The following E2F7 variants were observed in gnomAD, a reference collection of about 807,000 sequenced individuals.
E2F7 encodes the protein E2F transcription factor 7.
E2F7 carries 35 observed loss-of-function variants against 81.1 expected under a neutral mutation model. The ratio of observed to expected loss-of-function variants is 0.43; its 90% CI spans 0.33 to 0.57. E2F7 has a LOEUF of 0.57. Among genes scored for constraint, E2F7 ranks in the 20% least tolerant of loss-of-function variants. The pLI, the probability that E2F7 is intolerant of heterozygous loss-of-function variation, is 0.04. For synonymous variants in E2F7, 416 were observed against 416.2 expected (o/e 1.00, Z 0.01); for missense variants, 961 against 1,093.7 (o/e 0.88, Z 1.71).
chr12:77,023,895 GA>G lies in E2F7; in HGVS notation c.*119del. On this transcript the variant is annotated 3_prime_UTR_variant, in exon 13 of 13. Coordinates refer to ENST00000322886, the MANE Select transcript of E2F7 (RefSeq NM_203394.3). ...GATTGATGGTGGTGGGAAGTTAACA[GA>G]AGTGTGGATGAAAGAGAGAGGAAGG... 1 of 1,208,130 alleles carries G rather than the reference GA, an allele frequency of 8.3e-7. No individual in the cohort carries two copies. Among genetic ancestry groups the G allele is most frequent in the Non-Finnish European group, 1.2e-6 (1 of 863,946 alleles). 74.8% of individuals were successfully genotyped at this position (1,208,130 alleles called of 1,614,324 possible). A position where few individuals can be genotyped will look rare whatever the true frequency, so the allele number is the denominator to read the frequency against.
chr12:77,040,058 TACTG>T (rs1331783859), intron 7 of E2F7, among the ~76,000 whole-genome samples: 1 of 152,194 alleles, frequency 6.6e-6, no homozygotes, highest in African/African-American at 2.4e-5. Flanking sequence ...AATTAGCAAA[TACTG>T]ACCCATTGCT....
intron 7 of E2F7, among the ~76,000 whole-genome samples, chr12:77,040,594 A>T (rs116214445): frequency 2.0e-5 from 3 of 152,240 alleles, no homozygotes; most frequent in Non-Finnish European, 1.5e-5. Context: ...AATAACGAAG[A>T]TCAACCATAC....
chr12:77,062,042 A>T (rs1955082612), intron 2 of E2F7, among the ~76,000 whole-genome samples: 1 of 150,620 alleles, frequency 6.6e-6, no homozygotes, highest in Non-Finnish European at 1.5e-5. Flanking sequence ...AGCACTCACC[A>T]AATCACAGTA....
chr12:77,053,999 G>T (rs1592565768), intron 3 of E2F7, among the ~76,000 whole-genome samples: 1 of 152,072 alleles, frequency 6.6e-6, no homozygotes, highest in Non-Finnish European at 1.5e-5. Context: ...TTTTAAAAAG[G>T]TATAAAAAAG....
At chr12:77,064,798 AACTC>A (rs1955104638) in intron 1 of E2F7, 163 bp from the exon 2 acceptor site, 1 of 587,406 alleles carries the variant, frequency 1.7e-6, no homozygotes, top group Non-Finnish European at 3.0e-6. Flanking sequence ...AACTTTCTAA[AACTC>A]ACGCGAACAA....
intron 2 of E2F7, among the ~76,000 whole-genome samples, chr12:77,056,682 G>GA (rs1661070179): frequency 6.6e-6 from 1 of 151,980 alleles, no homozygotes; most frequent in African/African-American, 2.4e-5. Context: ...TAAAGGACTC[G>GA]TTTTTTTAGA....
rs967237252 is a variant in E2F7, at chr12:77,033,789, G to T, written c.1309+68C>A. The T allele has an allele frequency of 5.6e-6, 8 of 1,429,504 alleles. No homozygotes were observed. In the Admixed American group the frequency reaches 1.0e-4, roughly 18 times the overall value. 88.6% of individuals were successfully genotyped at this position (1,429,504 alleles called of 1,614,324 possible). ...TGTTTTAAAACGCCAGCACGTGGGT[G>T]CTGCACTGGCATGGGCTACAGCTAC... On this transcript the variant is annotated intron_variant, in intron 8 of 12. Coordinates refer to ENST00000322886, the MANE Select transcript of E2F7 (RefSeq NM_203394.3).
intron 4 of E2F7, among the ~76,000 whole-genome samples, chr12:77,047,167 A>G (rs1954950132): frequency 6.6e-6 from 1 of 152,206 alleles, no homozygotes; most frequent in Non-Finnish European, 1.5e-5. Flanking sequence ...CATTAAACCT[A>G]GCAAAAATAC....
At position 77,030,259 on chromosome 12, in the gene E2F7, G is replaced by A; in HGVS notation, c.1456C>T (p.Leu486Phe). The A allele has an allele frequency of 3.1e-6, 5 of 1,609,976 alleles. No individual in the cohort carries two copies. The highest frequency in any genetic ancestry group is 4.2e-6 in the Non-Finnish European group (5 of 1,177,420). ...ACACAATATTCTGGGTCAACAGAGA[G>A]GACAGGGAAAGGAGCAACAGGGTCC... Reference protein sequence around the residue: ...SLDPVAPFPVLSVDPEYCVNP... With the variant: ...SLDPVAPFPVFSVDPEYCVNP... The change falls in exon 10 of 13, where the codon CTC (leucine) becomes TTC (phenylalanine). Residue 486 changes from leucine to phenylalanine, a missense_variant. Around this residue, in one of 3 missense-constraint regions of E2F7, gnomAD observed 587 missense variants for 620.3 expected, o/e 0.95. Coordinates refer to ENST00000322886, the MANE Select transcript of E2F7 (RefSeq NM_203394.3).
At chr12:77,043,295 C>T (rs1315880498) in intron 6 of E2F7, 96 bp from the exon 7 acceptor site, 2 of 1,544,826 alleles carry the variant, frequency 1.3e-6, no homozygotes, top group Non-Finnish European at 1.8e-6. Context: ...GCCATATAAA[C>T]CTCAGGTGGA....
At chr12:77,038,342 C>T (rs537375645) in intron 7 of E2F7, among the ~76,000 whole-genome samples, 19 of 152,058 alleles carry the variant, frequency 1.2e-4, no homozygotes, top group Non-Finnish European at 1.8e-4. Context: ...TGTATATTTA[C>T]CAAGATGGAC....
At position 77,030,147 on chromosome 12, in the gene E2F7, T is replaced by C; in HGVS notation, c.1568A>G (p.Asp523Gly). The change falls in exon 10 of 13, where the codon GAT becomes GGT. Residue 523 changes from aspartate to glycine, a missense_variant. Coordinates refer to ENST00000322886, the MANE Select transcript of E2F7 (RefSeq NM_203394.3). The stretch of plus-strand genomic sequence containing the variant: ...AGAGGCTGCAGAAGCAAGTGAGACA[T>C]CCACTTGTCCATTCAGACCGTTCTG... ...SMQNGLNGQVDVSLASAASAV... is the reference protein window; with the variant it reads ...SMQNGLNGQVGVSLASAASAV... 1 of 1,614,170 alleles carries C rather than the reference T, an allele frequency of 6.2e-7. No homozygotes were observed. The highest frequency in any genetic ancestry group is 1.1e-5 in the South Asian group (1 of 91,074).
chr12:77,056,087 G>T lies in E2F7; in HGVS notation c.137C>A (p.Pro46Gln). ...TAAATCAATTGGTTCATTTTTTATT[G>T]GAGTCTTCGGGGCCATCCTTGATCG... The part of the protein sequence containing the change: ...VDRSRMAPKT[P>Q]IKNEPIDLSK... Residue 46 changes from proline to glutamine, a missense_variant, in exon 3 of 13, where the codon CCA becomes CAA. By Grantham distance (76) the Pro-to-Gln change is moderately conservative. Coordinates refer to ENST00000322886, the MANE Select transcript of E2F7 (RefSeq NM_203394.3). The T allele has an allele frequency of 6.2e-7, 1 of 1,613,710 alleles. No homozygotes were observed. Among genetic ancestry groups the T allele is most frequent in the South Asian group, 1.1e-5 (1 of 91,038 alleles).
intron 7 of E2F7, among the ~76,000 whole-genome samples, chr12:77,039,067 A>T (rs1319555605): frequency 1.3e-5 from 2 of 152,214 alleles, no homozygotes; most frequent in African/African-American, 4.8e-5. Flanking sequence ...ATTACCATAC[A>T]TATATGTCGT....
chr12:77,050,726 T>G lies in E2F7; in HGVS notation c.388A>C (p.Ser130Arg), dbSNP rs773208994. The G allele has an allele frequency of 3.1e-6, 5 of 1,613,598 alleles. No individual in the cohort carries two copies. In the East Asian group the frequency reaches 1.1e-4, roughly 36 times the overall value. The part of the protein sequence containing the change: ...DSLQLDVVGD[S>R]AVDEFEKQRP... ...TGCTTTTCAAATTCGTCCACAGCAC[T>G]GTCCCCAACAACATCAAGCTACAGA... Residue 130 changes from serine (S) to arginine (R), a missense_variant, in exon 4 of 13, where the codon AGT (serine) becomes CGT (arginine). Ser to Arg is a moderately radical substitution (Grantham distance 110, BLOSUM62 -1). This residue lies in a region of E2F7 where 301 missense variants were observed against 405.0 expected (regional missense o/e 0.74). Transcript: ENST00000322886.
chr12:77,032,782 A>G (rs376768462), intron 9 of E2F7, among the ~76,000 whole-genome samples: 1 of 152,194 alleles, frequency 6.6e-6, no homozygotes, highest in African/African-American at 2.4e-5. Flanking sequence ...TCTCAGGGTC[A>G]TGTTAATTAT....
intron 11 of E2F7, among the ~76,000 whole-genome samples, 199 bp from the exon 12 acceptor site, chr12:77,026,181 T>C (rs927265072): frequency 1.3e-5 from 2 of 152,236 alleles, no homozygotes; most frequent in African/African-American, 4.8e-5. Context: ...CCCACATTTA[T>C]CTGTGTGATC....
Position 77,023,824 on chromosome 12 carries a change from C to G in E2F7, c.*191G>C. On this transcript the variant is annotated 3_prime_UTR_variant, in exon 13 of 13. Transcript: ENST00000322886. Reference sequence around the variant, plus strand: ...TGTGACACCATGCAGAGTCGGAACTCTAACTGGTATTAAATGCACAATTAA... The same window carrying G: ...TGTGACACCATGCAGAGTCGGAACTGTAACTGGTATTAAATGCACAATTAA... The G allele has an allele frequency of 1.5e-6, 1 of 668,876 alleles. No homozygotes were observed. Among genetic ancestry groups the G allele is most frequent in the Non-Finnish European group, 2.4e-6 (1 of 415,252 alleles). 41.4% of individuals were successfully genotyped at this position (668,876 alleles called of 1,614,324 possible). A position where few individuals can be genotyped will look rare whatever the true frequency, so the allele number is the denominator to read the frequency against.
intron 3 of E2F7, 85 bp from the exon 4 acceptor site, chr12:77,050,829 T>C: frequency 2.2e-6 from 3 of 1,380,336 alleles, no homozygotes; most frequent in Non-Finnish European, 3.0e-6. Flanking sequence ...GTTGGCAAAC[T>C]GGGGGGACAT....
Sources: allele counts gnomAD v4.1 joint callset (sites outside exome capture counted in the v4.1 genomes callset), GRCh38; gene constraint gnomAD v4.1.1; regional missense constraint gnomAD v4.1.1; transcripts MANE v1.5; gene names NCBI Gene and HGNC (gene_info 2026-07-23, HGNC 2026-07-21).